PCDHGA4: variants seen among roughly 807,000 people sequenced by gnomAD.
PCDHGA4 encodes the protein protocadherin gamma-A4.
Under a neutral mutation model 54.6 loss-of-function variants are expected in PCDHGA4, and 38 were observed. The ratio of observed to expected loss-of-function variants is 0.70; its 90% CI spans 0.54 to 0.91. The LOEUF (loss-of-function observed/expected upper bound fraction) is 0.91, where lower values mean the gene tolerates loss of function less well. Ranked by LOEUF, PCDHGA4 falls within the 40% of genes least tolerant of loss-of-function variation. The probability of loss-of-function intolerance (pLI) is 0.00; values close to 1 mark genes in which losing one functional copy is unlikely to be tolerated. For missense variants in PCDHGA4, 1,298 were observed against 1,220.9 expected (o/e 1.06, Z -0.94); for synonymous variants, 511 against 512.9 (o/e 1.00, Z 0.05).
intron 1 of PCDHGA4, chr5:141,441,955 A>G: frequency 3.1e-6 from 1 of 320,028 alleles, no homozygotes; most frequent in Non-Finnish European, 6.0e-6. Context: ...GCAGGCCAGC[A>G]AGCCCAGGCT....
intron 1 of PCDHGA4, among the ~76,000 whole-genome samples, chr5:141,455,769 C>T (rs1371335785): frequency 2.6e-5 from 4 of 152,014 alleles, no homozygotes; most frequent in Admixed American, 2.6e-4. Flanking sequence ...AGAGCCGGGG[C>T]TTTAAAAGAA....
rs2099411033 is a variant in PCDHGA4, at chr5:141,477,423, C to T, written c.2515-17384C>T. ...ACCGCCCGAGACGCCGGAACCCCTT[C>T]CCTCTCAGCCCTTACAATAGTGCGT... On this transcript the variant is annotated intron_variant, in intron 1 of 3. Coordinates refer to ENST00000571252, the MANE Select transcript of PCDHGA4 (RefSeq NM_018917.4). This position sits in a 1 kb window ranked among gnomAD's most constrained non-coding sequence, Gnocchi z 4.9. 1.9e-6 allele frequency: 3 copies of T among 1,614,196 alleles called. No individual in the cohort carries two copies. The highest frequency in any genetic ancestry group is 2.2e-5 in the East Asian group (1 of 44,882).
In PCDHGA4 at chr5:141,490,729, C is replaced by G. The variant is rs1365931429; in HGVS notation, c.2515-4078C>G. ...CCTCACCTACTCCATTGTAGGAAAT[C>G]AGGTTCAGGGAGCCCCAGCCTCCTC... On this transcript the variant is annotated intron_variant, in intron 1 of 3. Coordinates refer to ENST00000571252, the MANE Select transcript of PCDHGA4 (RefSeq NM_018917.4). The surrounding 1 kb of genome is among the most constrained non-coding windows in gnomAD (Gnocchi z 5.4). 1 of 1,614,184 alleles carries G rather than the reference C, an allele frequency of 6.2e-7. No homozygotes were observed.
rs754140602 is a variant in PCDHGA4 at position 141,410,043 on chromosome 5, C to G, written c.2514+52422C>G. Reference sequence around the variant, plus strand: ...TACCACGTGCTGCAGGCCAGTGAGCCCGGACTCTTCAGCCTGGGGCTGCGC... The same window carrying G: ...TACCACGTGCTGCAGGCCAGTGAGCGCGGACTCTTCAGCCTGGGGCTGCGC... On this transcript the variant is annotated intron_variant, in intron 1 of 3. Transcript: ENST00000571252. 13 of 1,613,080 alleles carry G rather than the reference C, an allele frequency of 8.1e-6. No homozygotes were observed. The South Asian group carries it at 1.2e-4, about 15-fold the overall frequency.
Position 141,356,809 on chromosome 5 carries a change from A to T in PCDHGA4, c.1702A>T (p.Ser568Cys). Residue 568 changes from serine to cysteine, a missense_variant, in exon 1 of 4, where the codon AGT becomes TGT. By Grantham distance (112) the Ser-to-Cys change is moderately radical. Coordinates refer to ENST00000571252, the MANE Select transcript of PCDHGA4 (RefSeq NM_018917.4). ...GCAGCTGCTGATGACAGCCAGTGAC[A>T]GTGGAGACCCTCCACTCAGCAGCAA... is the stretch of plus-strand genomic sequence containing the variant. The part of the protein sequence containing the change: ...DLQLLMTASD[S>C]GDPPLSSNVS... The T allele has an allele frequency of 6.2e-7, 1 of 1,614,080 alleles. No individual in the cohort carries two copies. The highest frequency in any genetic ancestry group is 8.5e-7 in the Non-Finnish European group (1 of 1,179,934).
intron 1 of PCDHGA4, among the ~76,000 whole-genome samples, chr5:141,434,609 G>T (rs189866750): frequency 1.3e-5 from 2 of 151,946 alleles, no homozygotes; most frequent in Non-Finnish European, 2.9e-5. Flanking sequence ...CTTTATTTCC[G>T]CCCATCTCTT....
At chr5:141,403,214 G>A in intron 1 of PCDHGA4, 5 of 1,613,990 alleles carry the variant, frequency 3.1e-6, no homozygotes, top group Non-Finnish European at 4.2e-6. Context: ...GGTCACCGCG[G>A]GTAGGATAGA....
At chr5:141,423,089 G>A in intron 1 of PCDHGA4, 1 of 1,614,016 alleles carries the variant, frequency 6.2e-7, no homozygotes, top group Non-Finnish European at 8.5e-7. Flanking sequence ...TTCGCGGTGG[G>A]GGAGCACACG....
At chr5:141,423,470 A>C (rs904433654) in intron 1 of PCDHGA4, 54 of 1,613,884 alleles carry the variant, frequency 3.3e-5, no homozygotes, top group Non-Finnish European at 4.3e-5. Context: ...GACGGGGTAC[A>C]GGCTTTCCTG....
At chr5:141,392,633 A>T (rs2092567816) in intron 1 of PCDHGA4, 1 of 610,728 alleles carries the variant, frequency 1.6e-6, no homozygotes, top group African/African-American at 1.9e-5. Flanking sequence ...CTCAGATCTC[A>T]CACCTCACGA....
chr5:141,356,452 T>C lies in PCDHGA4; in HGVS notation c.1345T>C (p.Tyr449His). The C allele has an allele frequency of 6.2e-7, 1 of 1,613,258 alleles. No homozygotes were observed. Among genetic ancestry groups the C allele is most frequent in the Non-Finnish European group, 8.5e-7 (1 of 1,179,492 alleles). The change falls in exon 1 of 4, where the codon TAT (tyrosine) becomes CAT (histidine). Residue 449 changes from tyrosine (Y) to histidine (H), a missense_variant. Transcript: ENST00000571252. ...ACTGGACAGGGAAGAAGTCTCAGAA[T>C]ATAACATCACTGTAACTGCCACTGA... Reference protein sequence around the residue: ...RTLDREEVSEYNITVTATDQG... With the variant: ...RTLDREEVSEHNITVTATDQG...
chr5:141,365,306 G>A, intron 1 of PCDHGA4: 1 of 1,613,976 alleles, frequency 6.2e-7, no homozygotes, highest in South Asian at 1.1e-5. Context: ...GGATGGAGGC[G>A]CTCTTGTTGC....
chr5:141,485,279 C>T lies in PCDHGA4; in HGVS notation c.2515-9528C>T. 1 of 1,614,108 alleles carries T rather than the reference C, an allele frequency of 6.2e-7. No individual in the cohort carries two copies. Among genetic ancestry groups the T allele is most frequent in the Non-Finnish European group, 8.5e-7 (1 of 1,179,966 alleles). ...TTGTGGGCAGATCCGCTACCCGGTC[C>T]CAGAGGAGTCACAGGAAGGGACTTT... On this transcript the variant is annotated intron_variant, in intron 1 of 3. Transcript: ENST00000571252. The surrounding 1 kb of genome is among the most constrained non-coding windows in gnomAD (Gnocchi z 5.7).
intron 3 of PCDHGA4, among the ~76,000 whole-genome samples, chr5:141,509,685 A>G (rs923641083): frequency 6.6e-6 from 1 of 152,166 alleles, no homozygotes. Flanking sequence ...TCTTCTGTAC[A>G]GTGGGACGTT....
At chr5:141,454,203 T>C (rs981646952) in intron 1 of PCDHGA4, among the ~76,000 whole-genome samples, 2 of 152,148 alleles carry the variant, frequency 1.3e-5, no homozygotes, top group African/African-American at 4.8e-5. Flanking sequence ...GGTGAATTTA[T>C]TGACATGAAT....
chr5:141,432,172 CGTCTCTGTGACCGCCCACGACCCCGA>C lies in PCDHGA4; in HGVS notation c.2515-62634_2515-62609del. 6.2e-7 allele frequency: 1 copy of C among 1,614,152 alleles called. No individual in the cohort carries two copies. Among genetic ancestry groups the C allele is most frequent in the Non-Finnish European group, 8.5e-7 (1 of 1,180,038 alleles). ...AGAACAATCCCAGAGGAGTTTCCCT[CGTCTCTGTGACCGCCCACGACCCCGA>C]CTGTGAAGAGAACGCCCAGATCACT... On this transcript the variant is annotated intron_variant, in intron 1 of 3. Transcript: ENST00000571252. The surrounding 1 kb of genome is among the most constrained non-coding windows in gnomAD (Gnocchi z 6.0).
At chr5:141,360,346 G>T in intron 1 of PCDHGA4, 1 of 1,613,922 alleles carries the variant, frequency 6.2e-7, no homozygotes, top group Middle Eastern at 1.6e-4. Context: ...GGTTAGCGCG[G>T]AGAAGGAATA....
At chr5:141,502,891 C>G (rs2099816930) in intron 2 of PCDHGA4, among the ~76,000 whole-genome samples, 1 of 117,990 alleles carries the variant, frequency 8.5e-6, no homozygotes, top group African/African-American at 3.4e-5. Context: ...GACAGGGAGT[C>G]TAGCTCTGTT....
chr5:141,510,426 T>C (rs983368750), intron 3 of PCDHGA4, among the ~76,000 whole-genome samples: 1 of 152,084 alleles, frequency 6.6e-6, no homozygotes, highest in African/African-American at 2.4e-5. Flanking sequence ...CATGGTTTCA[T>C]GGCTGCTGCC....
Sources: gnomAD v4.1 joint callset for allele counts (sites outside exome capture counted in the v4.1 genomes callset) on GRCh38, gnomAD v4.1.1 for gene constraint, Gnocchi (gnomAD v3.1) non-coding constraint, MANE v1.5 for transcripts, NCBI Gene and HGNC (gene_info 2026-07-23, HGNC 2026-07-21) for gene names.